Variants in CYP4F22 observed in about 807,000 individuals in gnomAD.
CYP4F22 encodes ultra-long-chain fatty acid omega-hydroxylase.
A neutral mutation model predicts 60.4 loss-of-function variants in CYP4F22; 37 were observed. The observed-to-expected ratio is 0.61, with a 90% CI of 0.47 to 0.81. The LOEUF is 0.81. CYP4F22 is among the 30% of genes least tolerant of loss of function. The pLI, the probability that CYP4F22 is intolerant of heterozygous loss-of-function variation, is 0.00. For missense variants in CYP4F22, 655 were observed against 715.0 expected (o/e 0.92, Z 0.96); for synonymous variants, 258 against 280.5 (o/e 0.92, Z 0.80).
At chr19:15,509,908 T>C (rs9676665) in intron 1 of CYP4F22, among the ~76,000 whole-genome samples, 12,842 of 99,192 alleles carry the variant, frequency 0.13, 635 homozygotes, top group Middle Eastern at 0.18. Flanking sequence ...TTCCTTCCTT[T>C]CTTTCTTTCC....
chr19:15,516,873 A>G (rs924762976), intron 1 of CYP4F22: 24 of 259,818 alleles, frequency 9.2e-5, no homozygotes, highest in Non-Finnish European at 1.5e-4. Context: ...GTCTGTTGCC[A>G]GGCTGGAGTG....
chr19:15,551,110 A>G (rs1377461829), intron 13 of CYP4F22, among the ~76,000 whole-genome samples, 184 bp from the exon 14 acceptor site: 1 of 152,030 alleles, frequency 6.6e-6, no homozygotes, highest in African/African-American at 2.4e-5. Context: ...CAGACACTCA[A>G]CCCCAAGGTC....
chr19:15,540,386 C>G, intron 7 of CYP4F22, 64 bp from the exon 8 acceptor site: 1 of 1,606,002 alleles, frequency 6.2e-7, no homozygotes, highest in Non-Finnish European at 8.5e-7. Context: ...TTATCTTAGC[C>G]AAGCCAGGGC....
In CYP4F22 at chr19:15,513,630, C is replaced by T. The variant is rs1971120733; in HGVS notation, c.-109+5047C>T. On this transcript the variant is annotated intron_variant, in intron 1 of 13. Transcript: ENST00000269703. ...CTGCCCGCCTCGGCCTCCCAAAGTGCTGGGATTACAAGCGTGAGCCACCAC... is the reference window on the plus strand; with the variant it reads ...CTGCCCGCCTCGGCCTCCCAAAGTGTTGGGATTACAAGCGTGAGCCACCAC... 2.0e-5 allele frequency among the ~76,000 whole-genome samples: 3 copies of T among 152,084 alleles called. 1 individual carries two copies. Among genetic ancestry groups the T allele is most frequent in the South Asian group, 4.2e-4 (2 of 4,818 alleles).
chr19:15,551,771 C>G lies in CYP4F22; in HGVS notation c.*300C>G. 2.0e-6 allele frequency: 1 copy of G among 504,802 alleles called. No individual in the cohort carries two copies. Among genetic ancestry groups the G allele is most frequent in the Non-Finnish European group, 3.6e-6 (1 of 278,798 alleles). The allele number at this position is 504,802 out of a possible 1,614,324, so 31.3% of individuals were successfully genotyped here. The stretch of plus-strand genomic sequence containing the variant: ...TGCCCCCTTGGGCTCAGGCCCCGCC[C>G]CCAGGATCCTACGGATTGAGGTCCT... On this transcript the variant is annotated 3_prime_UTR_variant, in exon 14 of 14. Transcript: ENST00000269703.
intron 11 of CYP4F22, among the ~76,000 whole-genome samples, chr19:15,548,661 C>A (rs868826188): frequency 6.6e-6 from 1 of 152,094 alleles, no homozygotes; most frequent in African/African-American, 2.4e-5. Context: ...AAGGGAGAGA[C>A]AGGGGCTGGA....
intron 8 of CYP4F22, 127 bp from the exon 9 acceptor site, chr19:15,543,844 G>C: frequency 1.0e-6 from 1 of 968,470 alleles, no homozygotes; most frequent in Admixed American, 2.2e-5. Context: ...GTGATAGAGC[G>C]AGACTCCATC....
rs201981446 is a variant in CYP4F22, at chr19:15,538,018, A to T, written c.671+25A>T. 7.7e-5 allele frequency: 125 copies of T among 1,613,870 alleles called. 3 individuals carry two copies. The East Asian group carries it at 2.4e-3, about 30-fold the overall frequency. On this transcript the variant is annotated intron_variant, in intron 7 of 13. Coordinates refer to ENST00000269703, the MANE Select transcript of CYP4F22 (RefSeq NM_173483.4). ...AGTGAGTGTGACCCTTCTTGGGAAG[A>T]TGGAGCCAGCTGCTCTAGGAGCAAG...
chr19:15,540,716 G>A lies in CYP4F22; in HGVS notation c.938G>A (p.Arg313Lys), dbSNP rs758385025. The change falls in exon 8 of 14, where the codon AGG becomes AAG. Residue 313 changes from arginine to lysine, a missense_variant and splice_region_variant. Physicochemically the swap from Arg to Lys is conservative, Grantham distance 26 (BLOSUM62 2). Transcript: ENST00000269703. ...TTTATTGATGTGCTGCTCCTGGCCA[G>A]GGTGAGGCTGGGCCCCCTGGAATTG... ...LDFIDVLLLA[R>K]DEDGKELSDE... The A allele has an allele frequency of 7.2e-7, 1 of 1,383,398 alleles. No individual in the cohort carries two copies. Among genetic ancestry groups the A allele is most frequent in the Non-Finnish European group, 9.7e-7 (1 of 1,031,950 alleles). The allele number at this position is 1,383,398 out of a possible 1,614,324, so 85.7% of individuals were successfully genotyped here. A position where few individuals can be genotyped will look rare whatever the true frequency, so the allele number is the denominator to read the frequency against.
chr19:15,520,772 T>G (rs1304787876), intron 1 of CYP4F22, among the ~76,000 whole-genome samples: 1 of 147,238 alleles, frequency 6.8e-6, no homozygotes, highest in African/African-American at 2.6e-5. Context: ...TTTTGTTTTT[T>G]TGTTTTTTTT....
chr19:15,542,616 G>A (rs958569431), intron 8 of CYP4F22, among the ~76,000 whole-genome samples: 1 of 152,166 alleles, frequency 6.6e-6, no homozygotes, highest in Admixed American at 6.5e-5. Flanking sequence ...AGGTAAACAT[G>A]TGCCATGGTG....
chr19:15,511,201 G>A (rs1407195220), intron 1 of CYP4F22, among the ~76,000 whole-genome samples: 1 of 151,170 alleles, frequency 6.6e-6, no homozygotes, highest in Admixed American at 6.6e-5. Context: ...CCCGACCTCA[G>A]GTGATCCTCC....
At chr19:15,508,750 C>G (rs1327438693) in intron 1 of CYP4F22, among the ~76,000 whole-genome samples, 167 bp downstream of exon 1, 1 of 151,750 alleles carries the variant, frequency 6.6e-6, no homozygotes, top group African/African-American at 2.4e-5. Context: ...CAGGACGGGG[C>G]TGCATGCCCG....
chr19:15,547,993 GAGGGAGAGAGT>G (rs1971547962), intron 10 of CYP4F22, 104 bp from the exon 11 acceptor site: 1 of 146,080 alleles, frequency 6.8e-6, no homozygotes, highest in African/African-American at 7.5e-5. Flanking sequence ...GAGAGAGAGA[GAGGGAGAGAGT>G]GTGTGTGTGT....
chr19:15,533,851 AT>A (rs1162949821), intron 4 of CYP4F22, among the ~76,000 whole-genome samples: 3 of 150,826 alleles, frequency 2.0e-5, no homozygotes, highest in East Asian at 3.9e-4. Context: ...CACTGTATGG[AT>A]TTTTTTTTGT....
At chr19:15,537,307 CA>C in intron 4 of CYP4F22, 53 bp from the exon 5 acceptor site, 1 of 1,608,298 alleles carries the variant, frequency 6.2e-7, no homozygotes, top group Non-Finnish European at 8.5e-7. Flanking sequence ...TAAAAAAAAA[CA>C]AAAAACCAAA....
Position 15,529,801 on chromosome 19 carries a change from G to T in CYP4F22, c.315G>T (p.Pro105=), listed in dbSNP as rs145640942. The T allele has an allele frequency of 2.5e-6, 4 of 1,614,152 alleles. No homozygotes were observed. In the South Asian group the frequency reaches 4.4e-5, roughly 18 times the overall value. ...VLLVWMGPVL[P]LLVLVHPDYI... ...TGGTATGGATGGGACCTGTCCTGCC[G>T]CTGTTGGTTCTGGTGCACCCTGATT... Residue 105 remains proline (P), a synonymous_variant, in exon 4 of 14, where the codon CCG becomes CCT. Coordinates refer to ENST00000269703, the MANE Select transcript of CYP4F22 (RefSeq NM_173483.4).
rs369064813 is a variant in CYP4F22 at position 15,549,316 on chromosome 19, C to T, written c.1335+114C>T. 1.4e-4 allele frequency: 137 copies of T among 992,540 alleles called. No individual in the cohort carries two copies. The East Asian group carries it at 2.1e-3, about 15-fold the overall frequency. 61.5% of individuals were successfully genotyped at this position (992,540 alleles called of 1,614,324 possible). A position where few individuals can be genotyped will look rare whatever the true frequency, so the allele number is the denominator to read the frequency against. On this transcript the variant is annotated intron_variant, in intron 12 of 13. Transcript: ENST00000269703. ...TGAGTGCGCACACCCCTCCCCACTC[C>T]GCATTTAGCCATTTATTCACCCACT...
Position 15,516,756 on chromosome 19 carries a change from G to C in CYP4F22, c.-108-6937G>C, listed in dbSNP as rs1335271362. On this transcript the variant is annotated intron_variant, in intron 1 of 13. Transcript: ENST00000269703. Reference sequence around the variant, plus strand: ...TCTTTGTATTCAACCTGGAATCCCTGGACTCTGGAAAGATAGTCCACTTGC... The same window carrying C: ...TCTTTGTATTCAACCTGGAATCCCTCGACTCTGGAAAGATAGTCCACTTGC... 169 of 623,984 alleles carry C rather than the reference G, an allele frequency of 2.7e-4. 2 individuals are homozygous for C. The highest frequency in any genetic ancestry group is 1.1e-5 in the Non-Finnish European group (4 of 378,604). 38.7% of individuals were successfully genotyped at this position (623,984 alleles called of 1,614,324 possible).
Sources: gnomAD v4.1 joint callset for allele counts (sites outside exome capture counted in the v4.1 genomes callset) on GRCh38, gnomAD v4.1.1 for gene constraint, MANE v1.5 for transcripts, NCBI Gene and HGNC (gene_info 2026-07-23, HGNC 2026-07-21) for gene names.